The following SLC3A1 variants were observed in gnomAD, a reference collection of about 807,000 sequenced individuals.
SLC3A1 encodes the protein solute carrier family 3 member 1.
In SLC3A1, 78 loss-of-function variants were observed where a neutral mutation model predicts 60.3. That is an observed-to-expected ratio of 1.29 (90% confidence interval 1.08 to 1.56). SLC3A1 has a LOEUF of 1.56. Ranked by LOEUF, SLC3A1 falls within the 40% of genes most tolerant of loss-of-function variation. The pLI is 0.00. For synonymous variants in SLC3A1, 392 were observed against 307.9 expected, an observed-to-expected ratio of 1.27 and a Z score of -2.86; for missense variants, 1,172 against 858.9, an observed-to-expected ratio of 1.36 and a Z score of -4.56.
At chr2:44,285,779 G>A (rs1465932607) in intron 3 of SLC3A1, 3 of 638,970 alleles carry the variant, frequency 4.7e-6, no homozygotes, top group South Asian at 4.6e-5. Context: ...TTGGGTTTGA[G>A]AACATTGGTT....
intron 7 of SLC3A1, among the ~76,000 whole-genome samples, chr2:44,305,122 A>G (rs1672120569): frequency 6.6e-6 from 1 of 152,156 alleles, no homozygotes; most frequent in Admixed American, 6.6e-5. Context: ...GGCATGAGCT[A>G]CCACGCCCAG....
At chr2:44,295,949 C>T (rs1011193228) in intron 4 of SLC3A1, among the ~76,000 whole-genome samples, 3 of 152,130 alleles carry the variant, frequency 2.0e-5, no homozygotes, top group African/African-American at 4.8e-5. Context: ...AAATTAGGGC[C>T]TTCTTAAAAT....
At chr2:44,314,664 T>C (rs1299519647) in intron 9 of SLC3A1, 3 of 152,968 alleles carry the variant, frequency 2.0e-5, no homozygotes, top group Non-Finnish European at 4.4e-5. Context: ...GATATTCAGA[T>C]ATAGAAAGCC....
chr2:44,301,925 C>T (rs925151130), intron 6 of SLC3A1, among the ~76,000 whole-genome samples: 1 of 150,992 alleles, frequency 6.6e-6, no homozygotes, highest in African/African-American at 2.4e-5. Context: ...CAAGGTGGCA[C>T]ATGCCTGTAA....
At chr2:44,286,664 C>T (rs1051493464) in intron 4 of SLC3A1, among the ~76,000 whole-genome samples, 4 of 146,270 alleles carry the variant, frequency 2.7e-5, no homozygotes, top group Admixed American at 6.9e-5. Context: ...GTGAGCTGTG[C>T]GGTGTCTGTG....
At chr2:44,302,730 G>C (rs1238199894) in intron 6 of SLC3A1, among the ~76,000 whole-genome samples, 1 of 152,184 alleles carries the variant, frequency 6.6e-6, no homozygotes, top group African/African-American at 2.4e-5. Flanking sequence ...AATACAAGGG[G>C]GAAGTTCTTT....
intron 4 of SLC3A1, among the ~76,000 whole-genome samples, chr2:44,288,547 C>T (rs916903164): frequency 2.6e-5 from 4 of 152,170 alleles, no homozygotes; most frequent in African/African-American, 9.7e-5. Flanking sequence ...GTGTCTGTAT[C>T]TGTGTTTATT....
intron 4 of SLC3A1, among the ~76,000 whole-genome samples, chr2:44,298,297 G>T (rs1055592981): frequency 3.9e-5 from 6 of 152,084 alleles, no homozygotes; most frequent in South Asian, 2.1e-4. Flanking sequence ...ACAAAGCTGA[G>T]CATGATGAGT....
chr2:44,288,463 TCA>T (rs962282577), intron 4 of SLC3A1, among the ~76,000 whole-genome samples: 6 of 151,414 alleles, frequency 4.0e-5, no homozygotes, highest in Non-Finnish European at 8.8e-5. Context: ...CACCTAAGCC[TCA>T]GTTAGATAGG....
At chr2:44,313,980 T>C in intron 9 of SLC3A1, 29 bp downstream of exon 9, 1 of 1,613,774 alleles carries the variant, frequency 6.2e-7, no homozygotes, top group African/African-American at 1.3e-5. Flanking sequence ...TTTATGTTGA[T>C]TCTAGAAACA....
intron 6 of SLC3A1, among the ~76,000 whole-genome samples, chr2:44,302,493 G>A (rs1297992783): frequency 2.0e-5 from 3 of 152,182 alleles, no homozygotes; most frequent in South Asian, 4.1e-4. Context: ...GGAAACTGAG[G>A]CTCTGAGCAT....
chr2:44,301,074 C>T lies in SLC3A1; in HGVS notation c.1083C>T (p.Val361=). ...CGCAGGTGGGAATGCACGACATTGT[C>T]CGCAGCTTCCGGCAGACCATGGACC... The part of the protein sequence containing the change: ...TTTQVGMHDI[V]RSFRQTMDQY... Residue 361 remains valine (V), a synonymous_variant, in exon 6 of 10, where the codon GTC becomes GTT. Coordinates refer to ENST00000260649, the MANE Select transcript of SLC3A1 (RefSeq NM_000341.4). The T allele has an allele frequency of 3.1e-6, 5 of 1,614,198 alleles. No homozygotes were observed. Among genetic ancestry groups the T allele is most frequent in the Non-Finnish European group, 4.2e-6 (5 of 1,180,046 alleles).
intron 1 of SLC3A1, among the ~76,000 whole-genome samples, chr2:44,278,894 A>G (rs1671410297): frequency 6.6e-6 from 1 of 152,178 alleles, no homozygotes; most frequent in African/African-American, 2.4e-5. Context: ...TATTGGCACA[A>G]ACTTACCTTC....
chr2:44,313,861 G>C lies in SLC3A1; in HGVS notation c.1527G>C (p.Met509Ile), dbSNP rs1348220030. 3 of 1,614,024 alleles carry C rather than the reference G, an allele frequency of 1.9e-6. No individual in the cohort carries two copies. Among genetic ancestry groups the C allele is most frequent in the Non-Finnish European group, 2.5e-6 (3 of 1,179,928 alleles). Residue 509 changes from methionine (M) to isoleucine (I), a missense_variant, in exon 9 of 10, where the codon ATG becomes ATC. Coordinates refer to ENST00000260649, the MANE Select transcript of SLC3A1 (RefSeq NM_000341.4). ...ATACCCTTCGCTCAAAGTCACCAATGCAGTGGGACAATAGTTCAAATGCTG... is the reference window on the plus strand; with the variant it reads ...ATACCCTTCGCTCAAAGTCACCAATCCAGTGGGACAATAGTTCAAATGCTG... ...DINTLRSKSP[M>I]QWDNSSNAGF...
In SLC3A1 at chr2:44,320,889, T is replaced by G. The variant is rs903603565; in HGVS notation, c.*250T>G. The G allele has an allele frequency of 2.0e-6, 1 of 502,986 alleles. No homozygotes were observed. The highest frequency in any genetic ancestry group is 3.6e-6 in the Non-Finnish European group (1 of 281,256). 31.2% of individuals were successfully genotyped at this position (502,986 alleles called of 1,614,324 possible). ...TCAATCAGGGATGACCAGAACACAT[T>G]AGGACCCCAGATTATTCAAAAACTT... is the stretch of plus-strand genomic sequence containing the variant. On this transcript the variant is annotated 3_prime_UTR_variant, in exon 10 of 10. Coordinates refer to ENST00000260649, the MANE Select transcript of SLC3A1 (RefSeq NM_000341.4).
chr2:44,276,101 T>A, intron 1 of SLC3A1, 136 bp downstream of exon 1: 2 of 779,650 alleles, frequency 2.6e-6, no homozygotes, highest in South Asian at 2.9e-5. Flanking sequence ...AAGTTGCTCC[T>A]TGTTTATGAT....
chr2:44,282,404 C>G (rs1202057170), intron 3 of SLC3A1, among the ~76,000 whole-genome samples: 2 of 151,962 alleles, frequency 1.3e-5, no homozygotes, highest in Non-Finnish European at 2.9e-5. Flanking sequence ...TGCCTCTACC[C>G]CATCTTATCA....
intron 4 of SLC3A1, among the ~76,000 whole-genome samples, chr2:44,286,685 G>A (rs1191624188): frequency 1.3e-5 from 2 of 150,964 alleles, no homozygotes; most frequent in Non-Finnish European, 2.9e-5. Context: ...ACGGTGAGCT[G>A]TGCGGTGCCT....
Position 44,286,075 on chromosome 2 carries a change from G to T in SLC3A1, c.809G>T (p.Arg270Leu), listed in dbSNP as rs142358712. 7.4e-6 allele frequency: 12 copies of T among 1,613,678 alleles called. No individual in the cohort carries two copies. The highest frequency in any genetic ancestry group is 1.7e-5 in the Admixed American group (1 of 60,002). ...GNSSWHFDEV[R>L]NQCYFHQFMK... is the part of the protein sequence containing the mutation. ...TCCAGTTGGCACTTTGACGAAGTGC[G>T]AAACCAATGTTATTTTCATCAGTTT... Residue 270 changes from arginine (R) to leucine (L), a missense_variant, in exon 4 of 10, where the codon CGA (arginine) becomes CTA (leucine). Coordinates refer to ENST00000260649, the MANE Select transcript of SLC3A1 (RefSeq NM_000341.4).
Sources: gnomAD v4.1 joint callset for allele counts (sites outside exome capture counted in the v4.1 genomes callset) on GRCh38, gnomAD v4.1.1 for gene constraint, MANE v1.5 for transcripts, NCBI Gene and HGNC (gene_info 2026-07-23, HGNC 2026-07-21) for gene names.